AGBL2: variants seen among roughly 807,000 people sequenced by gnomAD.
The protein encoded by AGBL2 is AGBL carboxypeptidase 2, also known as cytosolic carboxypeptidase 2.
Under a neutral mutation model 103.0 loss-of-function variants are expected in AGBL2, and 87 were observed. The observed-to-expected ratio is 0.84, with a 90% CI of 0.71 to 1.01. The LOEUF is 1.01. AGBL2 is among the 50% of genes least tolerant of loss of function. The probability of loss-of-function intolerance (pLI) is 0.00; values close to 1 mark genes in which losing one functional copy is unlikely to be tolerated. For synonymous variants in AGBL2, 335 were observed against 356.7 expected (o/e 0.94, Z 0.69); for missense variants, 904 against 1,023.5 (o/e 0.88, Z 1.59).
chr11:47,701,712 C>A (rs1458141333), intron 7 of AGBL2, among the ~76,000 whole-genome samples: 1 of 151,896 alleles, frequency 6.6e-6, no homozygotes, highest in Non-Finnish European at 1.5e-5. Flanking sequence ...GTGGCTTACA[C>A]CTGTAATCCC....
At chr11:47,709,360 C>T (rs748784632) in intron 4 of AGBL2, among the ~76,000 whole-genome samples, 6 of 38,912 alleles carry the variant, frequency 1.5e-4, no homozygotes, top group Non-Finnish European at 2.6e-4. Flanking sequence ...GTAAGGGTAG[C>T]GGTGGAGGTT....
At chr11:47,672,386 C>T (rs530124315) in intron 14 of AGBL2, among the ~76,000 whole-genome samples, 19 of 152,132 alleles carry the variant, frequency 1.2e-4, no homozygotes, top group Non-Finnish European at 2.2e-4. Context: ...GCAATCTTGA[C>T]TCACTGCAGC....
Position 47,690,598 on chromosome 11 carries a change from C to T in AGBL2, c.1109G>A (p.Gly370Glu). 1 of 1,614,110 alleles carries T rather than the reference C, an allele frequency of 6.2e-7. No homozygotes were observed. The highest frequency in any genetic ancestry group is 8.5e-7 in the Non-Finnish European group (1 of 1,180,024). Residue 370 changes from glycine (G) to glutamate (E), a missense_variant, in exon 10 of 19, where the codon GGG (glycine) becomes GAG (glutamate). Physicochemically the swap from Gly to Glu is moderately conservative, Grantham distance 98. Coordinates refer to ENST00000525123, the MANE Select transcript of AGBL2 (RefSeq NM_024783.4). ...CGTGAGACAGTAGAAGGGCTGCTGC[C>T]CATCATCCGTGTTGTTCTTGTAGTA... is the stretch of plus-strand genomic sequence containing the variant. Reference protein sequence around the residue: ...IKYYKNNTDDGQQPFYCLTWT... With the variant: ...IKYYKNNTDDEQQPFYCLTWT...
At chr11:47,682,911 A>C (rs2097406845) in intron 11 of AGBL2, among the ~76,000 whole-genome samples, 1 of 152,080 alleles carries the variant, frequency 6.6e-6, no homozygotes, top group East Asian at 1.9e-4. Context: ...TCCCTGCTTC[A>C]ATTAGTTTGT....
chr11:47,702,642 G>A (rs1320121640), intron 7 of AGBL2, among the ~76,000 whole-genome samples: 5 of 152,134 alleles, frequency 3.3e-5, no homozygotes, highest in East Asian at 1.9e-4. Flanking sequence ...TTGGGAGGCC[G>A]AGGCGGGTGG....
At chr11:47,695,492 A>AAC (rs1307659636) in intron 8 of AGBL2, among the ~76,000 whole-genome samples, 1 of 145,804 alleles carries the variant, frequency 6.9e-6, no homozygotes, top group Non-Finnish European at 1.5e-5. Context: ...AAAAAAAAAA[A>AAC]AAACAGTTGA....
At chr11:47,710,909 C>CA (rs60310587) in intron 3 of AGBL2, 4,196 of 331,194 alleles carry the variant, frequency 0.013, 177 homozygotes, top group African/African-American at 0.098. Context: ...GATCCTGTCT[C>CA]AAAAAAAAAA....
intron 13 of AGBL2, among the ~76,000 whole-genome samples, chr11:47,678,205 G>A (rs753468419): frequency 8.7e-4 from 130 of 149,938 alleles, no homozygotes; most frequent in Non-Finnish European, 1.5e-3. Flanking sequence ...CTCGTGATCT[G>A]CCCGCCTTGG....
chr11:47,714,686 G>A lies in AGBL2; in HGVS notation c.-36C>T. The A allele has an allele frequency of 6.2e-7, 1 of 1,609,408 alleles. No individual in the cohort carries two copies. The highest frequency in any genetic ancestry group is 8.5e-7 in the Non-Finnish European group (1 of 1,175,820). ...GATGGTAGGCTGAAAACTAGTCAGT[G>A]ACATTAGCATCCAGTCGCAAACCCT... On this transcript the variant is annotated 5_prime_UTR_variant, in exon 2 of 19. Coordinates refer to ENST00000525123, the MANE Select transcript of AGBL2 (RefSeq NM_024783.4).
chr11:47,677,245 A>AG (rs1565023615), intron 14 of AGBL2, 26 bp downstream of exon 14: 3 of 1,565,108 alleles, frequency 1.9e-6, no homozygotes. Flanking sequence ...TTAAAAAAAA[A>AG]CAAAACTCTG....
At chr11:47,693,724 G>A (rs1169672479) in intron 8 of AGBL2, among the ~76,000 whole-genome samples, 2 of 152,056 alleles carry the variant, frequency 1.3e-5, no homozygotes, top group Non-Finnish European at 1.5e-5. Flanking sequence ...ATAAATTTGA[G>A]GAACATCTTT....
At chr11:47,695,253 T>A (rs1398431489) in intron 8 of AGBL2, among the ~76,000 whole-genome samples, 1 of 152,080 alleles carries the variant, frequency 6.6e-6, no homozygotes, top group Non-Finnish European at 1.5e-5. Context: ...GGTGGGTGGA[T>A]CACCTGAGGT....
intron 12 of AGBL2, among the ~76,000 whole-genome samples, chr11:47,681,394 T>C (rs2097400636): frequency 1.3e-5 from 2 of 152,038 alleles, no homozygotes; most frequent in South Asian, 4.2e-4. Context: ...GCCAGATAAT[T>C]TACCCAAGAA....
intron 4 of AGBL2, 58 bp downstream of exon 4, chr11:47,710,319 T>G: frequency 1.2e-6 from 2 of 1,609,506 alleles, no homozygotes; most frequent in Non-Finnish European, 1.7e-6. Flanking sequence ...TTCTGAATAC[T>G]CAGAGGAGTT....
intron 17 of AGBL2, among the ~76,000 whole-genome samples, chr11:47,666,108 T>C (rs2097340580): frequency 6.6e-6 from 1 of 150,994 alleles, no homozygotes; most frequent in Non-Finnish European, 1.5e-5. Flanking sequence ...AAATCAATGA[T>C]TTTGACTGGG....
chr11:47,697,665 C>T (rs1434514126), intron 8 of AGBL2, among the ~76,000 whole-genome samples: 1 of 150,666 alleles, frequency 6.6e-6, no homozygotes, highest in Non-Finnish European at 1.5e-5. Flanking sequence ...CCTGCCTCAG[C>T]CTCCCGAGTA....
At chr11:47,705,670 G>GAAA in intron 5 of AGBL2, 36 bp from the exon 6 acceptor site, 1 of 558,956 alleles carries the variant, frequency 1.8e-6, no homozygotes, top group East Asian at 2.9e-5. Flanking sequence ...AAAAGAAAAA[G>GAAA]AAGAAAGGGA....
chr11:47,714,865 G>A (rs1009201322), intron 1 of AGBL2, 115 bp from the exon 2 acceptor site: 10 of 581,742 alleles, frequency 1.7e-5, no homozygotes, highest in Middle Eastern at 9.5e-4. Flanking sequence ...AGCTAAACAA[G>A]GTGGTCACGC....
chr11:47,678,335 A>ATTTTTTTTTTTTTTTTTTTT (rs771416947), intron 13 of AGBL2, among the ~76,000 whole-genome samples: 5 of 67,786 alleles, frequency 7.4e-5, no homozygotes, highest in South Asian at 5.8e-4. Context: ...ATTTTATTTT[A>ATTTTTTTTTTTTTTTTTTTT]TTATTTTATT....
Sources: allele counts gnomAD v4.1 joint callset (sites outside exome capture counted in the v4.1 genomes callset), GRCh38; gene constraint gnomAD v4.1.1; transcripts MANE v1.5; gene names NCBI Gene and HGNC (gene_info 2026-07-23, HGNC 2026-07-21).